Variants in ACADS observed in about 807,000 individuals in gnomAD.
The protein encoded by ACADS is short-chain specific acyl-CoA dehydrogenase, mitochondrial.
In ACADS, 28 loss-of-function variants were observed where a neutral mutation model predicts 46.8. The ratio of observed to expected loss-of-function variants is 0.60; its 90% CI spans 0.44 to 0.82. The LOEUF is 0.82. ACADS is among the 40% of genes least tolerant of loss of function. The probability of loss-of-function intolerance (pLI) is 0.00; values close to 1 mark genes in which losing one functional copy is unlikely to be tolerated. For missense variants in ACADS, 528 were observed against 578.0 expected, an observed-to-expected ratio of 0.91 and a Z score of 0.89; for synonymous variants, 236 against 237.7, an observed-to-expected ratio of 0.99 and a Z score of 0.07.
rs549679854 is a variant in ACADS, at chr12:120,738,022, C to T, written c.624+34C>T. On this transcript the variant is annotated intron_variant, in intron 5 of 9. Coordinates refer to ENST00000242592, the MANE Select transcript of ACADS (RefSeq NM_000017.4). ...ACCCAGAGAGGGGTTCAGCCGGATC[C>T]TGGGCTGCTGTCATTTCTGTTTCTA... 8.7e-6 allele frequency: 14 copies of T among 1,612,376 alleles called. No individual in the cohort carries two copies. The East Asian group carries it at 2.5e-4, about 28-fold the overall frequency.
intron 4 of ACADS, 41 bp from the exon 5 acceptor site, chr12:120,737,796 T>G (rs1883504346): frequency 6.2e-7 from 1 of 1,611,964 alleles, no homozygotes; most frequent in African/African-American, 1.3e-5. Context: ...TTAGGTTGTG[T>G]GGGGTGGGGC....
At chr12:120,730,733 G>C (rs1883222478) in intron 2 of ACADS, among the ~76,000 whole-genome samples, 1 of 152,130 alleles carries the variant, frequency 6.6e-6, no homozygotes, top group Non-Finnish European at 1.5e-5. Flanking sequence ...GGAGCGATTG[G>C]CTCATGTGCC....
intron 2 of ACADS, among the ~76,000 whole-genome samples, 171 bp from the exon 3 acceptor site, chr12:120,736,815 A>G (rs967376498): frequency 2.0e-5 from 3 of 151,440 alleles, no homozygotes; most frequent in African/African-American, 7.3e-5. Flanking sequence ...TATAGACCTC[A>G]GTGGGACTGG....
At chr12:120,738,052 C>A (rs373999618) in intron 5 of ACADS, 64 bp downstream of exon 5, 10 of 1,608,666 alleles carry the variant, frequency 6.2e-6, no homozygotes, top group Non-Finnish European at 7.6e-6. Flanking sequence ...TTTCTAGGGC[C>A]TTCTCTCCTT....
chr12:120,731,632 TA>T (rs1402581781), intron 2 of ACADS, among the ~76,000 whole-genome samples: 14 of 104,668 alleles, frequency 1.3e-4, no homozygotes, highest in Admixed American at 2.8e-4. Context: ...TTCTTGTATT[TA>T]TTTTATTTTA....
rs1883577483 is a variant in ACADS at position 120,739,278 on chromosome 12, C to G, written c.1087-18C>G. On this transcript the variant is annotated intron_variant, in intron 9 of 9. Transcript: ENST00000242592. ...ACGCCGGGGTCTTCTCCCTCCTGAG[C>G]CACTGTTCTCATCTCAGGCCATCCA... The G allele has an allele frequency of 6.2e-7, 1 of 1,612,900 alleles. No individual in the cohort carries two copies. The highest frequency in any genetic ancestry group is 1.3e-5 in the African/African-American group (1 of 74,926).
intron 2 of ACADS, among the ~76,000 whole-genome samples, chr12:120,729,138 T>C (rs368470765): frequency 1.2e-4 from 18 of 152,316 alleles, no homozygotes; most frequent in East Asian, 3.9e-4. Flanking sequence ...TACTAAAATA[T>C]TGGGGCTGGG....
chr12:120,733,050 T>A (rs1005330740), intron 2 of ACADS, among the ~76,000 whole-genome samples: 1 of 152,004 alleles, frequency 6.6e-6, no homozygotes, highest in African/African-American at 2.4e-5. Context: ...CGAAACCCCG[T>A]CTCCACCAAA....
In ACADS at chr12:120,739,671, T is replaced by G; in HGVS notation, c.*223T>G. The stretch of plus-strand genomic sequence containing the variant: ...TCCTCACCACTGTGCCTCAAGTTCC[T>G]CATCTAAGTGGCCCTGGCCTCCTGG... On this transcript the variant is annotated 3_prime_UTR_variant, in exon 10 of 10. Transcript: ENST00000242592. 1 of 602,344 alleles carries G rather than the reference T, an allele frequency of 1.7e-6. No homozygotes were observed. The highest frequency in any genetic ancestry group is 4.6e-4 in the Middle Eastern group (1 of 2,188). The allele number at this position is 602,344 out of a possible 1,614,324, so 37.3% of individuals were successfully genotyped here. A position where few individuals can be genotyped will look rare whatever the true frequency, so the allele number is the denominator to read the frequency against.
chr12:120,738,136 G>T (rs1443313372), intron 5 of ACADS, 144 bp from the exon 6 acceptor site: 1 of 1,568,362 alleles, frequency 6.4e-7, no homozygotes, highest in Non-Finnish European at 8.6e-7. Context: ...ACTGAAGCCT[G>T]CACCTTCCCC....
Position 120,729,323 on chromosome 12 carries a change from T to C in ACADS, c.210+2134T>C, listed in dbSNP as rs149170237. 7.4e-3 allele frequency among the ~76,000 whole-genome samples: 1,119 copies of C among 151,366 alleles called. 18 individuals are homozygous for C. The highest frequency in any genetic ancestry group is 0.026 in the African/African-American group (1,069 of 41,244). On this transcript the variant is annotated intron_variant, in intron 2 of 9. Transcript: ENST00000242592. ...CCCAGGCTGGAGTGCAGTGGTGCGA[T>C]CTTGGCTCACTGCAGCCTCTGTCTC...
At chr12:120,732,479 G>A (rs907270387) in intron 2 of ACADS, among the ~76,000 whole-genome samples, 1 of 151,610 alleles carries the variant, frequency 6.6e-6, no homozygotes, top group African/African-American at 2.4e-5. Context: ...TGGGGTGGCT[G>A]CCGGGCGGAG....
chr12:120,731,256 C>A (rs949823022), intron 2 of ACADS, among the ~76,000 whole-genome samples: 2 of 152,118 alleles, frequency 1.3e-5, no homozygotes, highest in Non-Finnish European at 2.9e-5. Flanking sequence ...TGAGCTACCA[C>A]ACCCTCTTTT....
intron 2 of ACADS, among the ~76,000 whole-genome samples, chr12:120,730,909 C>T (rs1359765576): frequency 6.6e-6 from 1 of 152,144 alleles, no homozygotes; most frequent in African/African-American, 2.4e-5. Flanking sequence ...AGGTTCATGC[C>T]TAGGCCTGAC....
intron 2 of ACADS, among the ~76,000 whole-genome samples, chr12:120,731,306 G>A (rs937197320): frequency 6.6e-6 from 1 of 151,774 alleles, no homozygotes; most frequent in Admixed American, 6.6e-5. Flanking sequence ...TTAGAAACAG[G>A]GGTATCATCA....
intron 2 of ACADS, among the ~76,000 whole-genome samples, chr12:120,729,606 AC>A (rs1883193076): frequency 6.6e-6 from 1 of 151,594 alleles, no homozygotes; most frequent in African/African-American, 2.4e-5. Context: ...CTCTCCTGCC[AC>A]CCCTTTTTCC....
chr12:120,736,727 TC>T (rs1883449615), intron 2 of ACADS, among the ~76,000 whole-genome samples: 1 of 152,158 alleles, frequency 6.6e-6, no homozygotes, highest in Admixed American at 6.5e-5. Context: ...TTCTGCTTGC[TC>T]GCTGCCGTGG....
chr12:120,737,312 C>T (rs372549672), intron 3 of ACADS, 44 bp from the exon 4 acceptor site: 48 of 1,587,004 alleles, frequency 3.0e-5, no homozygotes, highest in East Asian at 2.2e-4. Context: ...GGGCAGGATG[C>T]GCCTGGGCCT....
intron 2 of ACADS, among the ~76,000 whole-genome samples, chr12:120,729,317 G>A (rs1383276816): frequency 6.7e-6 from 1 of 149,960 alleles, no homozygotes; most frequent in South Asian, 2.1e-4. Flanking sequence ...GAGTGCAGTG[G>A]TGCGATCTTG....
Sources: gnomAD v4.1 joint callset for allele counts (sites outside exome capture counted in the v4.1 genomes callset) on GRCh38, gnomAD v4.1.1 for gene constraint, MANE v1.5 for transcripts, NCBI Gene and HGNC (gene_info 2026-07-23, HGNC 2026-07-21) for gene names.